EFCAB5: variants seen among roughly 807,000 people sequenced by gnomAD.
EFCAB5 encodes the protein EF-hand calcium binding domain 5, also known as EF-hand calcium-binding domain-containing protein 5.
In EFCAB5, 131 loss-of-function variants were observed where a neutral mutation model predicts 167.9. The observed-to-expected ratio is 0.78, with a 90% CI of 0.68 to 0.90. EFCAB5 has a LOEUF of 0.90. Among genes scored for constraint, EFCAB5 ranks in the 40% least tolerant of loss-of-function variants. EFCAB5 has a pLI of 0.00. For synonymous variants in EFCAB5, 574 were observed against 602.8 expected (o/e 0.95, Z 0.70); for missense variants, 1,663 against 1,745.2 (o/e 0.95, Z 0.84).
At chr17:29,972,184 C>A (rs779114017) in intron 4 of EFCAB5, among the ~76,000 whole-genome samples, 87 of 150,434 alleles carry the variant, frequency 5.8e-4, no homozygotes, top group Admixed American at 1.2e-3. Context: ...ACTACAGGCA[C>A]CCGCCACCAC....
At chr17:30,055,831 A>C in intron 10 of EFCAB5, 57 bp from the exon 11 acceptor site, 1 of 1,565,234 alleles carries the variant, frequency 6.4e-7, no homozygotes, top group South Asian at 1.2e-5. Flanking sequence ...TAACCTTAAA[A>C]TAGCTAATGG....
chr17:30,091,868 C>T lies in EFCAB5; in HGVS notation c.3938-3C>T. ...AATGTGAGCTATCATTTTGTTATTC[C>T]AGAGATTGAAAATGTCAGGGAAGTC... On this transcript the variant is annotated splice_region_variant and splice_polypyrimidine_tract_variant and intron_variant, in intron 20 of 22. Coordinates refer to ENST00000394835, the MANE Select transcript of EFCAB5 (RefSeq NM_198529.4). 1 of 1,612,668 alleles carries T rather than the reference C, an allele frequency of 6.2e-7. No individual in the cohort carries two copies.
chr17:29,970,637 G>GACACACACACACACACACACACAC (rs34545008), intron 4 of EFCAB5, among the ~76,000 whole-genome samples: 6 of 138,744 alleles, frequency 4.3e-5, no homozygotes, highest in African/African-American at 1.1e-4. Flanking sequence ...CTCAAAAACA[G>GACACACACACACACACACACACAC]ACACACACAC....
rs538397140 is a variant in EFCAB5, at chr17:30,058,027, A to C, written c.2580+137A>C. ...TCACTTTCTTTCAACAAGCATAGCC[A>C]TTAAAGATTCTATTTTATCATCAAA... On this transcript the variant is annotated intron_variant, in intron 13 of 22. Transcript: ENST00000394835. The C allele has an allele frequency of 4.3e-5, 31 of 723,344 alleles. No homozygotes were observed. In the South Asian group the frequency reaches 6.1e-4, roughly 14 times the overall value. The allele number at this position is 723,344 out of a possible 1,614,324, so 44.8% of individuals were successfully genotyped here.
chr17:30,108,002 G>A lies in EFCAB5; in HGVS notation c.4490G>A (p.Gly1497Glu). 1 of 1,606,606 alleles carries A rather than the reference G, an allele frequency of 6.2e-7. No homozygotes were observed. The change falls in exon 23 of 23, where the codon GGG becomes GAG. Residue 1497 changes from glycine (G) to glutamate (E), a missense_variant. By Grantham distance (98) the Gly-to-Glu change is moderately conservative. Coordinates refer to ENST00000394835, the MANE Select transcript of EFCAB5 (RefSeq NM_198529.4). ...TDNYMYAKMP[G>E]EGLQEK ...AATTATATGTATGCAAAAATGCCAG[G>A]GGAAGGTTTGCAAGAGAAGTGATAA... is the stretch of plus-strand genomic sequence containing the variant.
intron 4 of EFCAB5, among the ~76,000 whole-genome samples, chr17:29,970,587 A>G (rs2151581687): frequency 6.6e-6 from 1 of 151,466 alleles, no homozygotes; most frequent in Non-Finnish European, 1.5e-5. Flanking sequence ...CCAAAATTAC[A>G]CCACTGCACT....
chr17:30,094,900 G>A (rs1174903386), intron 22 of EFCAB5, among the ~76,000 whole-genome samples: 4 of 152,172 alleles, frequency 2.6e-5, no homozygotes, highest in African/African-American at 9.7e-5. Flanking sequence ...CCAGACAGCT[G>A]TGTTTGCAGT....
chr17:29,990,060 C>T (rs1349824780), intron 4 of EFCAB5, among the ~76,000 whole-genome samples: 2 of 152,092 alleles, frequency 1.3e-5, no homozygotes, highest in African/African-American at 4.8e-5. Context: ...ATAAATCTCT[C>T]CCCCCACAAT....
intron 4 of EFCAB5, among the ~76,000 whole-genome samples, chr17:29,969,728 T>C (rs1193436071): frequency 1.3e-5 from 2 of 152,186 alleles, no homozygotes; most frequent in Non-Finnish European, 2.9e-5. Flanking sequence ...AAAAAAGTTA[T>C]ATAGTGAAAA....
intron 3 of EFCAB5, among the ~76,000 whole-genome samples, chr17:29,951,360 C>T (rs1242811831): frequency 2.6e-5 from 4 of 152,020 alleles, no homozygotes; most frequent in Non-Finnish European, 4.4e-5. Flanking sequence ...GGTTTTGAGA[C>T]GGAGTCTTTC....
At chr17:29,976,272 G>GT (rs1425036915) in intron 4 of EFCAB5, among the ~76,000 whole-genome samples, 1 of 152,162 alleles carries the variant, frequency 6.6e-6, no homozygotes, top group African/African-American at 2.4e-5. Flanking sequence ...GAATTAGGTT[G>GT]TTTCACTGAT....
chr17:29,967,243 G>A (rs1388963154), intron 3 of EFCAB5, among the ~76,000 whole-genome samples: 1 of 152,138 alleles, frequency 6.6e-6, no homozygotes, highest in African/African-American at 2.4e-5. Context: ...TTCTCTATTT[G>A]CTTTCCTATA....
chr17:30,032,462 G>A (rs1194332497), intron 7 of EFCAB5, among the ~76,000 whole-genome samples: 1 of 152,126 alleles, frequency 6.6e-6, no homozygotes, highest in Admixed American at 6.5e-5. Context: ...ATAGATACAA[G>A]AAGGGCATTC....
At chr17:30,014,074 C>T (rs2068973588) in intron 7 of EFCAB5, among the ~76,000 whole-genome samples, 1 of 152,184 alleles carries the variant, frequency 6.6e-6, no homozygotes, top group African/African-American at 2.4e-5. Flanking sequence ...AGTCGTCATT[C>T]AGGAGCAGGT....
chr17:30,074,570 C>T (rs767468671), intron 14 of EFCAB5: 1 of 152,144 alleles, frequency 6.6e-6, no homozygotes, highest in Non-Finnish European at 1.5e-5. Flanking sequence ...GTATGGACAC[C>T]TGGGCTGTTT....
At chr17:29,955,550 A>G (rs1022866185) in intron 3 of EFCAB5, among the ~76,000 whole-genome samples, 4 of 151,508 alleles carry the variant, frequency 2.6e-5, no homozygotes, top group Admixed American at 6.6e-5. Flanking sequence ...TTTTTTCTTT[A>G]TAAATTACCC....
At chr17:30,034,818 G>A (rs1342181678) in intron 8 of EFCAB5, among the ~76,000 whole-genome samples, 1 of 152,018 alleles carries the variant, frequency 6.6e-6, no homozygotes, top group African/African-American at 2.4e-5. Flanking sequence ...ATGTGAAAAG[G>A]GAAACATGAC....
At chr17:29,955,343 G>A (rs1789894682) in intron 3 of EFCAB5, among the ~76,000 whole-genome samples, 1 of 152,076 alleles carries the variant, frequency 6.6e-6, no homozygotes, top group African/African-American at 2.4e-5. Flanking sequence ...TGAATCATAG[G>A]GGTGGGTCTT....
chr17:30,027,825 G>A (rs1325798023), intron 7 of EFCAB5, among the ~76,000 whole-genome samples: 3 of 152,060 alleles, frequency 2.0e-5, no homozygotes, highest in Non-Finnish European at 4.4e-5. Context: ...CTAGCCCCAC[G>A]TCTTCCTGCT....
Sources: gnomAD v4.1 joint callset for allele counts (sites outside exome capture counted in the v4.1 genomes callset) on GRCh38, gnomAD v4.1.1 for gene constraint, MANE v1.5 for transcripts, NCBI Gene and HGNC (gene_info 2026-07-23, HGNC 2026-07-21) for gene names.